SULT1A1: variants seen among roughly 807,000 people sequenced by gnomAD.
The protein encoded by SULT1A1 is sulfotransferase 1A1.
Under a neutral mutation model 36.8 loss-of-function variants are expected in SULT1A1, and 35 were observed. The observed-to-expected ratio is 0.95, with a 90% CI of 0.73 to 1.26. SULT1A1 has a LOEUF of 1.26. SULT1A1 is among the 50% of genes most tolerant of loss of function. The pLI, the probability that SULT1A1 is intolerant of heterozygous loss-of-function variation, is 0.00. For synonymous variants in SULT1A1, 119 were observed against 146.0 expected, an observed-to-expected ratio of 0.82 and a Z score of 1.33; for missense variants, 309 against 383.0, an observed-to-expected ratio of 0.81 and a Z score of 1.61.
At chr16:28,615,550 G>A (rs2047521524) in intron 2 of SULT1A1, among the ~76,000 whole-genome samples, 1 of 150,350 alleles carries the variant, frequency 6.7e-6, no homozygotes, top group Non-Finnish European at 1.5e-5. Context: ...GACAGACCCC[G>A]AGGCCTTGTT....
rs11546425 is a variant in SULT1A1 at position 28,607,068 on chromosome 16, C to A, written c.382G>T (p.Val128Phe). ...GCCACATCCTTTGCGTTGCGGGCAA[C>A]ATAGACCACCTGCAGGGGCAGAAGA... The part of the protein sequence containing the change: ...LLDQKVKVVY[V>F]ARNAKDVAVS... The change falls in exon 5 of 8, where the codon GTT becomes TTT. Residue 128 changes from valine (V) to phenylalanine (F), a missense_variant. Physicochemically the swap from Val to Phe is conservative, Grantham distance 50 (BLOSUM62 -1). This residue lies in a region of SULT1A1 where 219 missense variants were observed against 215.3 expected (regional missense o/e 1.02). Transcript: ENST00000314752. The A allele has an allele frequency of 5.0e-6, 8 of 1,612,410 alleles. No homozygotes were observed. Among genetic ancestry groups the A allele is most frequent in the Non-Finnish European group, 5.1e-6 (6 of 1,178,638 alleles).
intron 1 of SULT1A1, among the ~76,000 whole-genome samples, chr16:28,622,449 C>T (rs1420792558): frequency 6.6e-6 from 1 of 152,140 alleles, no homozygotes; most frequent in Non-Finnish European, 1.5e-5. Flanking sequence ...CCTGAACCCT[C>T]ACAGGTATAT....
At chr16:28,615,631 G>T (rs1452007496) in intron 2 of SULT1A1, among the ~76,000 whole-genome samples, 1 of 152,118 alleles carries the variant, frequency 6.6e-6, no homozygotes. Flanking sequence ...AGGAAGCCTG[G>T]GCAACACAGG....
exon 1 of SULT1A1, chr16:28,623,260 T>C: frequency 6.5e-7 from 1 of 1,544,740 alleles, no homozygotes; most frequent in Non-Finnish European, 8.7e-7. Context: ...TAGTTGAAGT[T>C]GGCGTGGAAG....
At chr16:28,621,765 A>AT (rs2047661387) in intron 1 of SULT1A1, among the ~76,000 whole-genome samples, 2 of 151,796 alleles carry the variant, frequency 1.3e-5, no homozygotes, top group African/African-American at 4.8e-5. Context: ...ACCCATAGAG[A>AT]TTTTCTCCCC....
At chr16:28,607,166 T>A in intron 4 of SULT1A1, 89 bp from the exon 5 acceptor site, 1 of 1,581,086 alleles carries the variant, frequency 6.3e-7, no homozygotes. Context: ...AGGAGGAACC[T>A]GAGGCTTAGA....
chr16:28,619,336 C>A (rs1396710592), intron 2 of SULT1A1, among the ~76,000 whole-genome samples: 1 of 152,176 alleles, frequency 6.6e-6, no homozygotes. Flanking sequence ...CTTTCCAATT[C>A]ATGAGAAGTA....
chr16:28,623,225 G>C (rs908749232), exon 1 of SULT1A1: 1 of 1,545,166 alleles, frequency 6.5e-7, no homozygotes, highest in Non-Finnish European at 8.7e-7. Context: ...CCGGGAGCGC[G>C]CGCTCCAGCA....
chr16:28,605,446 A>G lies in SULT1A1; in HGVS notation c.*375T>C, dbSNP rs985812789. 2.9e-6 allele frequency: 1 copy of G among 347,014 alleles called. No homozygotes were observed. The highest frequency in any genetic ancestry group is 2.1e-5 in the African/African-American group (1 of 47,706). The allele number at this position is 347,014 out of a possible 1,614,324, so 21.5% of individuals were successfully genotyped here. ...CCATCACGTACAGATAATTTTCTCA[A>G]ATTTTTGTAGGGATGATGTCTTGTA... On this transcript the variant is annotated 3_prime_UTR_variant, in exon 8 of 8. Coordinates refer to ENST00000314752, the MANE Select transcript of SULT1A1 (RefSeq NM_001055.4).
At chr16:28,607,174 A>G (rs2047236323) in intron 4 of SULT1A1, 97 bp from the exon 5 acceptor site, 1 of 1,569,624 alleles carries the variant, frequency 6.4e-7, no homozygotes, top group African/African-American at 1.3e-5. Flanking sequence ...CCTGAGGCTT[A>G]GAGGCTGACT....
At chr16:28,610,608 G>C (rs1310379089), upstream of SULT1A1, 2 of 192,000 alleles carry the variant, frequency 1.0e-5, no homozygotes, top group African/African-American at 4.7e-5. Flanking sequence ...CATAGAACAA[G>C]AAAGAACAAG....
At chr16:28,618,253 G>C (rs550290814) in intron 2 of SULT1A1, among the ~76,000 whole-genome samples, 235 of 150,496 alleles carry the variant, frequency 1.6e-3, no homozygotes, top group African/African-American at 5.4e-3. Flanking sequence ...GCGCAGGCTG[G>C]TCTGAAACTG....
intron 2 of SULT1A1, among the ~76,000 whole-genome samples, chr16:28,615,845 G>A (rs943758420): frequency 6.6e-6 from 1 of 152,238 alleles, no homozygotes; most frequent in East Asian, 1.9e-4. Context: ...AGGCAGAGAG[G>A]GAGAGGAGAC....
chr16:28,609,131 G>A (rs529666512), intron 1 of SULT1A1: 38 of 1,415,638 alleles, frequency 2.7e-5, no homozygotes, highest in African/African-American at 5.7e-5. Context: ...AAGCACCCTC[G>A]TCGGGCAAGG....
At position 28,609,835 on chromosome 16, in the gene SULT1A1, A is replaced by G. The variant is rs2047376990; in HGVS notation, c.-5+96T>C. The G allele has an allele frequency of 4.3e-6, 5 of 1,160,080 alleles. No homozygotes were observed. In the South Asian group the frequency reaches 6.0e-5, roughly 14 times the overall value. 71.9% of individuals were successfully genotyped at this position (1,160,080 alleles called of 1,614,324 possible). ...GTCTGAAATGGGATATCCATGGGGA[A>G]AGGGCAGGGATGCCAGAGGCCTCAG... On this transcript the variant is annotated intron_variant, in intron 1 of 7. Transcript: ENST00000314752.
In SULT1A1 at chr16:28,606,747, G is replaced by A. The variant is rs74752114; in HGVS notation, c.594+14C>T. The A allele has an allele frequency of 0.37, 587,214 of 1,582,944 alleles. 111,315 individuals are homozygous for A. The highest frequency in any genetic ancestry group is 0.46 in the Admixed American group (27,336 of 59,254). On this transcript the variant is annotated intron_variant, in intron 6 of 7. Transcript: ENST00000314752. ...CAGGAGTCACATGGAGGGAAGCATC[G>A]CACGTGGTCTCACCTCCTTCATGTC...
chr16:28,605,651 A>G lies in SULT1A1; in HGVS notation c.*170T>C. ...TTAACAGAATCTCACTATGTTGCCC[A>G]GGTTGGTCTCGAACTCCTGGGCTCA... On this transcript the variant is annotated 3_prime_UTR_variant, in exon 8 of 8. Coordinates refer to ENST00000314752, the MANE Select transcript of SULT1A1 (RefSeq NM_001055.4). The G allele has an allele frequency of 9.4e-7, 1 of 1,059,962 alleles. No individual in the cohort carries two copies. 65.7% of individuals were successfully genotyped at this position (1,059,962 alleles called of 1,614,324 possible).
chr16:28,609,382 G>A, intron 1 of SULT1A1: 1 of 1,290,078 alleles, frequency 7.8e-7, no homozygotes, highest in Non-Finnish European at 1.0e-6. Context: ...GTCCATCTGG[G>A]CTCCAGGACA....
At position 28,608,708 on chromosome 16, in the gene SULT1A1, C is replaced by G. The variant is rs369692454; in HGVS notation, c.148G>C (p.Gly50Arg). 1.4e-5 allele frequency: 22 copies of G among 1,612,630 alleles called. No homozygotes were observed. The East Asian group carries it at 4.7e-4, about 34-fold the overall frequency. Residue 50 changes from glycine to arginine, a missense_variant and splice_region_variant, in exon 2 of 8, where the codon GGC becomes CGC. Gly to Arg is a moderately radical substitution (Grantham distance 125). This residue lies in a region of SULT1A1 where 219 missense variants were observed against 215.3 expected (regional missense o/e 1.02). Transcript: ENST00000314752. ...DLLISTYPKS[G>R]TTWVSQILDM... ...AGGGTGGGTGGCCCTCCTCACTTAC[C>G]GGACTTGGGGTAGGTGCTGATGAGC...
Sources: gnomAD v4.1 joint callset for allele counts (sites outside exome capture counted in the v4.1 genomes callset) on GRCh38, gnomAD v4.1.1 for gene constraint, gnomAD v4.1.1 regional missense constraint, MANE v1.5 for transcripts, NCBI Gene and HGNC (gene_info 2026-07-23, HGNC 2026-07-21) for gene names.